DOCK8: variants seen among roughly 807,000 people sequenced by gnomAD.
DOCK8 encodes dedicator of cytokinesis protein 8.
A neutral mutation model predicts 245.6 loss-of-function variants in DOCK8; 141 were observed. The ratio of observed to expected loss-of-function variants is 0.57; its 90% CI spans 0.50 to 0.66. DOCK8 has a LOEUF of 0.66. DOCK8 is among the 30% of genes least tolerant of loss of function. The pLI is 0.00. For synonymous variants in DOCK8, 1,168 were observed against 970.2 expected, an observed-to-expected ratio of 1.20 and a Z score of -3.79; for missense variants, 2,965 against 2,603.4, an observed-to-expected ratio of 1.14 and a Z score of -3.02.
chr9:244,208 AAT>A (rs547166046), intron 1 of DOCK8, among the ~76,000 whole-genome samples: 5,648 of 148,018 alleles, frequency 0.038, 117 homozygotes, highest in South Asian at 0.061. Context: ...AAAAAAAAAA[AAT>A]TTTAGCTCTC....
At position 414,839 on chromosome 9, in the gene DOCK8, C is replaced by T. The variant is rs758646932; in HGVS notation, c.3588C>T (p.His1196=). Residue 1196 remains histidine (H), a synonymous_variant, in exon 29 of 48, where the codon CAC becomes CAT. Transcript: ENST00000432829. The stretch of plus-strand genomic sequence containing the variant: ...CAATTCACAGCCTGCTAAGTTCTCA[C>T]GACCTGGACCCACGCTGTGTCAAAC... ...VSAIHSLLSS[H]DLDPRCVKPE... is the part of the protein sequence containing the mutation. The T allele has an allele frequency of 2.1e-5, 34 of 1,614,072 alleles. No homozygotes were observed. The highest frequency in any genetic ancestry group is 2.5e-5 in the Non-Finnish European group (29 of 1,180,026).
At chr9:422,189 T>C in intron 33 of DOCK8, 54 bp downstream of exon 33, 1 of 1,483,520 alleles carries the variant, frequency 6.7e-7, no homozygotes, top group Non-Finnish European at 9.4e-7. Context: ...AAACTATTTT[T>C]CCCAGGCTGC....
Position 432,195 on chromosome 9 carries a change from C to T in DOCK8, c.4656C>T (p.Thr1552=), listed in dbSNP as rs2056740055. The T allele has an allele frequency of 1.1e-5, 18 of 1,612,976 alleles. No homozygotes were observed. Among genetic ancestry groups the T allele is most frequent in the Non-Finnish European group, 1.4e-5 (16 of 1,179,838 alleles). The change falls in exon 37 of 48, where the codon ACC becomes ACT. Residue 1552 remains threonine, a synonymous_variant. Transcript: ENST00000432829. ...TTGCAAGAGTAAAGATGCAAGTAAC[C>T]ATGTCCCTGGCATCTTTGGTGGGAA... ...SNFARVKMQV[T]MSLASLVGRA...
chr9:390,516 A>T lies in DOCK8; in HGVS notation c.2920A>T (p.Met974Leu). 6.2e-7 allele frequency: 1 copy of T among 1,614,210 alleles called. No homozygotes were observed. The highest frequency in any genetic ancestry group is 8.5e-7 in the Non-Finnish European group (1 of 1,180,016). The change falls in exon 24 of 48, where the codon ATG becomes TTG. Residue 974 changes from methionine to leucine, a missense_variant. By Grantham distance (15) the Met-to-Leu change is conservative (BLOSUM62 2). This residue lies in a region of DOCK8 where 2,825 missense variants were observed against 2,453.5 expected (regional missense o/e 1.15). Transcript: ENST00000432829. ...LALQMVVSTG[M>L]VRETVFKYAW... is the part of the protein sequence containing the mutation. ...CCTTCAGATGGTGGTCAGCACCGGA[A>T]TGGTGAGAGAAACAGTCTTCAAGTA...
chr9:283,414 A>G (rs889813056), intron 2 of DOCK8, among the ~76,000 whole-genome samples: 1 of 152,200 alleles, frequency 6.6e-6, no homozygotes. Flanking sequence ...TTTTATTTGT[A>G]TAAGTTTAAG....
At chr9:407,512 C>A (rs991777549) in intron 28 of DOCK8, among the ~76,000 whole-genome samples, 2 of 152,206 alleles carry the variant, frequency 1.3e-5, no homozygotes, top group Non-Finnish European at 2.9e-5. Flanking sequence ...AGGTTTCTTG[C>A]AGACAGTGCT....
At chr9:270,741 A>G (rs1464941720) in intron 1 of DOCK8, among the ~76,000 whole-genome samples, 1 of 152,216 alleles carries the variant, frequency 6.6e-6, no homozygotes, top group Non-Finnish European at 1.5e-5. Context: ...ACCTCATTTG[A>G]TCCTCAGTAA....
At chr9:433,062 C>T (rs1238901800) in intron 37 of DOCK8, among the ~76,000 whole-genome samples, 1 of 152,248 alleles carries the variant, frequency 6.6e-6, no homozygotes, top group South Asian at 2.1e-4. Context: ...GTCTGTTTTG[C>T]CCTCTCGGGC....
At chr9:335,238 T>TC (rs1243286747) in intron 11 of DOCK8, among the ~76,000 whole-genome samples, 1 of 151,550 alleles carries the variant, frequency 6.6e-6, no homozygotes, top group Non-Finnish European at 1.5e-5. Flanking sequence ...TCACCCGTGA[T>TC]CTGAATCATT....
chr9:365,453 G>A (rs1439671198), intron 14 of DOCK8: 1 of 394,864 alleles, frequency 2.5e-6, no homozygotes, highest in African/African-American at 2.1e-5. Flanking sequence ...ACTTGATAAG[G>A]TACAGAAGTA....
chr9:246,827 G>C (rs1256593229), intron 1 of DOCK8, among the ~76,000 whole-genome samples: 3 of 151,678 alleles, frequency 2.0e-5, no homozygotes, highest in Admixed American at 6.6e-5. Flanking sequence ...TGTTGCCCAG[G>C]CTGGCCTAGA....
intron 6 of DOCK8, chr9:313,010 G>A (rs1253327273): frequency 6.5e-6 from 1 of 152,766 alleles, no homozygotes; most frequent in African/African-American, 2.4e-5. Flanking sequence ...TTTGAAATTC[G>A]ATCCTTGGAT....
rs946836686 is a variant in DOCK8, at chr9:340,255, C to T, written c.1613C>T (p.Thr538Ile). The change falls in exon 14 of 48, where the codon ACA (threonine) becomes ATA (isoleucine). Residue 538 changes from threonine to isoleucine, a missense_variant. Coordinates refer to ENST00000432829, the MANE Select transcript of DOCK8 (RefSeq NM_203447.4). ...LPVKPFPENRTRPHKEILEFP... is the reference protein window; with the variant it reads ...LPVKPFPENRIRPHKEILEFP... ...GTGAAACCCTTTCCTGAAAACCGGA[C>T]ACGCCCGCACAAAGAGATTTTGGAA... is the stretch of plus-strand genomic sequence containing the variant. The T allele has an allele frequency of 2.5e-6, 4 of 1,614,038 alleles. No individual in the cohort carries two copies. The African/African-American group carries it at 5.3e-5, about 22-fold the overall frequency.
chr9:315,294 C>T (rs7040640), intron 6 of DOCK8, among the ~76,000 whole-genome samples: 29,520 of 152,096 alleles, frequency 0.19, 3,119 homozygotes, highest in Non-Finnish European at 0.23. Context: ...AAGAGGTATC[C>T]ATTAATGTTT....
intron 10 of DOCK8, among the ~76,000 whole-genome samples, chr9:333,462 A>T (rs55858849): frequency 1.3e-5 from 2 of 152,020 alleles, no homozygotes; most frequent in Admixed American, 6.6e-5. Flanking sequence ...TTAGCCGGGC[A>T]TGGTGGCACG....
chr9:290,844 G>A (rs16929599), intron 4 of DOCK8, among the ~76,000 whole-genome samples: 11,743 of 152,210 alleles, frequency 0.077, 565 homozygotes, highest in East Asian at 0.18. Flanking sequence ...TTGAGGATTG[G>A]GTTTTATCTA....
rs746467722 is a variant in DOCK8 at position 433,920 on chromosome 9, G to C, written c.4831G>C (p.Val1611Leu). ...CNLNSILYDTVKMREFQEDPE... is the reference protein window; with the variant it reads ...CNLNSILYDTLKMREFQEDPE... ...TCTGAATAGCATCTTATATGACACAGTGAAAATGAGGGAATTTCAGGAAGA... is the reference window on the plus strand; with the variant it reads ...TCTGAATAGCATCTTATATGACACACTGAAAATGAGGGAATTTCAGGAAGA... The change falls in exon 38 of 48, where the codon GTG becomes CTG. Residue 1611 changes from valine to leucine, a missense_variant. Physicochemically the swap from Val to Leu is conservative, Grantham distance 32 (BLOSUM62 1). This residue lies in a region of DOCK8 where 2,825 missense variants were observed against 2,453.5 expected (regional missense o/e 1.15). Coordinates refer to ENST00000432829, the MANE Select transcript of DOCK8 (RefSeq NM_203447.4). The C allele has an allele frequency of 3.1e-6, 5 of 1,614,142 alleles. No homozygotes were observed. In the East Asian group the frequency reaches 8.9e-5, roughly 29 times the overall value.
chr9:292,218 A>G (rs943953246), intron 4 of DOCK8, among the ~76,000 whole-genome samples: 1 of 151,298 alleles, frequency 6.6e-6, no homozygotes, highest in East Asian at 1.9e-4. Flanking sequence ...TAAAAATACA[A>G]AATTAACCGG....
At position 377,135 on chromosome 9, in the gene DOCK8, C is replaced by T. The variant is rs1466884109; in HGVS notation, c.2364C>T (p.Leu788=). The T allele has an allele frequency of 1.2e-6, 2 of 1,608,528 alleles. No homozygotes were observed. The highest frequency in any genetic ancestry group is 1.3e-5 in the African/African-American group (1 of 74,916). The change falls in exon 20 of 48, where the codon CTC becomes CTT. Residue 788 remains leucine, a synonymous_variant. Transcript: ENST00000432829. The part of the protein sequence containing the change: ...ICLNSSRLEP[L]VLFLHLVLDK... ...TGAACTCCTCCCGCCTGGAGCCGCT[C>T]GTGCTCTTCCTGCACCTGGTGCTGG...
Sources: allele counts gnomAD v4.1 joint callset (sites outside exome capture counted in the v4.1 genomes callset), GRCh38; gene constraint gnomAD v4.1.1; regional missense constraint gnomAD v4.1.1; transcripts MANE v1.5; gene names NCBI Gene and HGNC (gene_info 2026-07-23, HGNC 2026-07-21).